The following SIN3B variants were observed in gnomAD, a reference collection of about 807,000 sequenced individuals.
The protein encoded by SIN3B is paired amphipathic helix protein Sin3b.
SIN3B carries 19 observed loss-of-function variants against 120.2 expected under a neutral mutation model. That is an observed-to-expected ratio of 0.16 (90% CI 0.11 to 0.23). The LOEUF is 0.23. Among genes scored for constraint, SIN3B ranks in the 10% least tolerant of loss-of-function variants. The pLI is 1.00. For missense variants in SIN3B, 1,073 were observed against 1,573.0 expected, an observed-to-expected ratio of 0.68 and a Z score of 5.38; for synonymous variants, 654 against 653.2, an observed-to-expected ratio of 1.00 and a Z score of -0.02.
Position 16,831,347 on chromosome 19 carries a change from G to A in SIN3B, c.228-147G>A. ...TAAAGTGCTGGGATTACAGGCATGA[G>A]CCACTGCGCCTGGTGGGTCACATTT... On this transcript the variant is annotated intron_variant, in intron 2 of 18. Coordinates refer to ENST00000248054, the MANE Select transcript of SIN3B (RefSeq NM_001297595.2). 3.9e-6 allele frequency: 3 copies of A among 764,312 alleles called. 1 individual carries two copies. The South Asian group carries it at 5.2e-5, about 13-fold the overall frequency. 47.3% of individuals were successfully genotyped at this position (764,312 alleles called of 1,614,324 possible).
At chr19:16,837,773 G>C in intron 3 of SIN3B, among the ~76,000 whole-genome samples, 2 of 152,234 alleles carry the variant, frequency 1.3e-5, no homozygotes, top group South Asian at 4.2e-4. Flanking sequence ...GATCAGGAGC[G>C]GGGGTGTCAG....
Position 16,876,808 on chromosome 19 carries a change from C to A in SIN3B, c.2859+230C>A. On this transcript the variant is annotated intron_variant, in intron 16 of 18. Transcript: ENST00000248054. The surrounding 1 kb of genome is among the most constrained non-coding windows in gnomAD (Gnocchi z 7.1). ...GAGCAGACCACTCCTCCTGAGCAAG[C>A]GGTTGTGTCCCAGGGCAGGAGGGGA... The A allele has an allele frequency of 4.1e-6, 2 of 484,090 alleles. No individual in the cohort carries two copies. The highest frequency in any genetic ancestry group is 2.9e-5 in the South Asian group (1 of 35,084). The allele number at this position is 484,090 out of a possible 1,614,324, so 30.0% of individuals were successfully genotyped here.
intron 2 of SIN3B, 126 bp downstream of exon 2, chr19:16,830,023 C>T (rs1971259622): frequency 3.1e-6 from 2 of 651,144 alleles, no homozygotes; most frequent in Non-Finnish European, 5.6e-6. Flanking sequence ...TGTCCAATCT[C>T]TCAGAGCCCT....
In SIN3B at chr19:16,862,274, G is replaced by A. The variant is rs2144609078; in HGVS notation, c.1059-78G>A. The A allele has an allele frequency of 2.6e-6, 3 of 1,134,150 alleles. No individual in the cohort carries two copies. The South Asian group carries it at 4.2e-5, about 16-fold the overall frequency. The allele number at this position is 1,134,150 out of a possible 1,614,324, so 70.3% of individuals were successfully genotyped here. On this transcript the variant is annotated intron_variant, in intron 8 of 18. Coordinates refer to ENST00000248054, the MANE Select transcript of SIN3B (RefSeq NM_001297595.2). The surrounding 1 kb of genome is among the most constrained non-coding windows in gnomAD (Gnocchi z 4.7). ...TCTGTTTAACTTGTAATGTCCACATGAAGCCATTCTAAAATCTCCAGATCC... is the reference window on the plus strand; with the variant it reads ...TCTGTTTAACTTGTAATGTCCACATAAAGCCATTCTAAAATCTCCAGATCC...
At chr19:16,866,706 G>A (rs1971779444) in intron 12 of SIN3B, 150 bp downstream of exon 12, 4 of 723,834 alleles carry the variant, frequency 5.5e-6, no homozygotes, top group Non-Finnish European at 6.8e-6. Flanking sequence ...ATGTCTCTGT[G>A]ATGCCCAGCC....
Position 16,878,288 on chromosome 19 carries a change from C to T in SIN3B, c.3060C>T (p.Cys1020=), listed in dbSNP as rs146530450. The part of the protein sequence containing the change: ...WKRLVGVESA[C]DVDCRFKLST... ...GGCTGGTGGGCGTGGAGAGCGCCTG[C>T]GACGTGGACTGCCGCTTCAAGCTCA... is the stretch of plus-strand genomic sequence containing the variant. The change falls in exon 18 of 19, where the codon TGC becomes TGT. Residue 1020 remains cysteine (C), a synonymous_variant. Transcript: ENST00000248054. 1.1e-4 allele frequency: 170 copies of T among 1,606,446 alleles called. No individual in the cohort carries two copies. The African/African-American group carries it at 1.6e-3, about 15-fold the overall frequency.
At chr19:16,871,493 C>A in intron 14 of SIN3B, 95 bp downstream of exon 14, 1 of 1,168,768 alleles carries the variant, frequency 8.6e-7, no homozygotes, top group Non-Finnish European at 1.2e-6. Flanking sequence ...GTGGTCAGCA[C>A]AGCAAACCTA....
In SIN3B at chr19:16,869,454, C is replaced by T. The variant is rs772624611; in HGVS notation, c.1807-6C>T. On this transcript the variant is annotated splice_region_variant and splice_polypyrimidine_tract_variant and intron_variant, in intron 12 of 18. Coordinates refer to ENST00000248054, the MANE Select transcript of SIN3B (RefSeq NM_001297595.2). The stretch of plus-strand genomic sequence containing the variant: ...TTCCACCTAATGGCCGCCCTTCCCC[C>T]CACAGCACCAGGAGCAGCACTCGGA... 1 of 1,599,394 alleles carries T rather than the reference C, an allele frequency of 6.3e-7. No individual in the cohort carries two copies. The highest frequency in any genetic ancestry group is 2.2e-5 in the East Asian group (1 of 44,484).
In SIN3B at chr19:16,841,899, G is replaced by A. The variant is rs1405577905; in HGVS notation, c.513G>A (p.Lys171=). The change falls in exon 4 of 19, where the codon AAG becomes AAA. Residue 171 remains lysine (K), a synonymous_variant. Coordinates refer to ENST00000248054, the MANE Select transcript of SIN3B (RefSeq NM_001297595.2). The part of the protein sequence containing the change: ...EFNNAISYVN[K]IKTRFLDHPE... The stretch of plus-strand genomic sequence containing the variant: ...ACAACGCCATCAGCTATGTGAATAA[G>A]ATTAAAACCCGCTTCCTAGACCACC... The A allele has an allele frequency of 6.2e-7, 1 of 1,614,024 alleles. No homozygotes were observed. Among genetic ancestry groups the A allele is most frequent in the Non-Finnish European group, 8.5e-7 (1 of 1,180,050 alleles).
In SIN3B at chr19:16,876,242, TG is replaced by T. The variant is rs1231944496; in HGVS notation, c.2766+18del. ...AACTGCTTCAAGGTGAGAGGAGGCC[TG>T]GGGCTGGGAACACGCCGGGAGGCCC... On this transcript the variant is annotated intron_variant, in intron 15 of 18. Transcript: ENST00000248054. The surrounding 1 kb of genome is among the most constrained non-coding windows in gnomAD (Gnocchi z 7.1). 1 of 1,603,008 alleles carries T rather than the reference TG, an allele frequency of 6.2e-7. No individual in the cohort carries two copies.
Position 16,869,771 on chromosome 19 carries a change from C to T in SIN3B, c.2118C>T (p.His706=). 6.2e-7 allele frequency: 1 copy of T among 1,613,550 alleles called. No individual in the cohort carries two copies. Among genetic ancestry groups the T allele is most frequent in the Non-Finnish European group, 8.5e-7 (1 of 1,179,906 alleles). The change falls in exon 13 of 19, where the codon CAC becomes CAT. Residue 706 remains histidine, a synonymous_variant. Transcript: ENST00000248054. The part of the protein sequence containing the change: ...SERKKPAPGP[H]SSPPEEKGAF... Reference sequence around the variant, plus strand: ...GGAAGAAGCCGGCGCCAGGACCCCACAGTAGCCCCCCAGAGGAGAAGGGGG... The same window carrying T: ...GGAAGAAGCCGGCGCCAGGACCCCATAGTAGCCCCCCAGAGGAGAAGGGGG...
Position 16,831,640 on chromosome 19 carries a change from C to A in SIN3B, c.374C>A (p.Thr125Lys). 3 of 1,613,946 alleles carry A rather than the reference C, an allele frequency of 1.9e-6. No homozygotes were observed. The South Asian group carries it at 3.3e-5, about 18-fold the overall frequency. ...NGKLNIQSPLTSQENSHNHGD... is the reference protein window; with the variant it reads ...NGKLNIQSPLKSQENSHNHGD... ...AAGTTAAACATACAGTCGCCTCTGACAAGCCAGGTATGCCACTACAGTGGT... is the reference window on the plus strand; with the variant it reads ...AAGTTAAACATACAGTCGCCTCTGAAAAGCCAGGTATGCCACTACAGTGGT... Residue 125 changes from threonine to lysine, a missense_variant, in exon 3 of 19, where the codon ACA becomes AAA. Transcript: ENST00000248054.
chr19:16,875,486 GGGTCTGGTCT>G (rs2051584239), intron 14 of SIN3B, among the ~76,000 whole-genome samples: 1 of 135,902 alleles, frequency 7.4e-6, no homozygotes, highest in Non-Finnish European at 1.6e-5. Context: ...GGTCTGGTTT[GGGTCTGGTCT>G]GGTTTGGTCT....
In SIN3B at chr19:16,877,730, C is replaced by T. The variant is rs2051628938; in HGVS notation, c.2954+91C>T. The T allele has an allele frequency of 6.5e-6, 6 of 920,998 alleles. 1 individual carries two copies. In the South Asian group the frequency reaches 8.5e-5, roughly 13 times the overall value. 57.1% of individuals were successfully genotyped at this position (920,998 alleles called of 1,614,324 possible). On this transcript the variant is annotated intron_variant, in intron 17 of 18. Transcript: ENST00000248054. ...CTGACGGGGGCTGGACCATGGCACA[C>T]TGTCTGGGAGCACTTAGTAGGTGCC...
At chr19:16,857,994 A>T (rs940354015) in intron 8 of SIN3B, among the ~76,000 whole-genome samples, 2 of 152,088 alleles carry the variant, frequency 1.3e-5, no homozygotes, top group Non-Finnish European at 2.9e-5. Flanking sequence ...ATCCTGCCTC[A>T]GCCTCTCGAG....
At chr19:16,870,273 T>G (rs71336794) in intron 13 of SIN3B, among the ~76,000 whole-genome samples, 198 bp downstream of exon 13, 2,691 of 152,332 alleles carry the variant, frequency 0.018, 42 homozygotes, top group Middle Eastern at 0.048. Flanking sequence ...CAGGCTCCCC[T>G]GGCCGTGGCA....
rs759921151 is a variant in SIN3B at position 16,875,358 on chromosome 19, T to TTGGTC, written c.2593-687_2593-683dup. On this transcript the variant is annotated intron_variant, in intron 14 of 18. Transcript: ENST00000248054. ...TCTGGTTTGGTCTGGTCTGGTCTGT[T>TTGGTC]TGGTCTGGTCTGGTTTGGTCTGGTC... is the stretch of plus-strand genomic sequence containing the variant. 1.1e-3 allele frequency among the ~76,000 whole-genome samples: 162 copies of TTGGTC among 142,848 alleles called. 4 individuals carry two copies. The highest frequency in any genetic ancestry group is 3.8e-3 in the African/African-American group (142 of 37,178). The allele number at this position is 142,848 out of a possible 152,430, so 93.7% of individuals were successfully genotyped here.
intron 14 of SIN3B, among the ~76,000 whole-genome samples, chr19:16,871,900 T>TG (rs1472098861): frequency 2.6e-5 from 4 of 152,228 alleles, no homozygotes; most frequent in Non-Finnish European, 5.9e-5. Flanking sequence ...GTGTCCCTGT[T>TG]GACAAACCTT....
At chr19:16,853,599 C>CACAT (rs1285107520) in intron 7 of SIN3B, among the ~76,000 whole-genome samples, 1 of 147,272 alleles carries the variant, frequency 6.8e-6, no homozygotes, top group Non-Finnish European at 1.5e-5. Context: ...GCTGCATGGA[C>CACAT]ACATGCATGG....
Sources: allele counts gnomAD v4.1 joint callset (sites outside exome capture counted in the v4.1 genomes callset), GRCh38; gene constraint gnomAD v4.1.1; non-coding constraint Gnocchi (gnomAD v3.1); transcripts MANE v1.5; gene names NCBI Gene and HGNC (gene_info 2026-07-23, HGNC 2026-07-21).